WDFY2: variants seen among roughly 807,000 people sequenced by gnomAD.
WDFY2 encodes WD repeat and FYVE domain-containing protein 2.
WDFY2 carries 36 observed loss-of-function variants against 56.4 expected under a neutral mutation model. That is an observed-to-expected ratio of 0.64 (90% CI 0.49 to 0.84). WDFY2 has a LOEUF of 0.84. WDFY2 is among the 40% of genes least tolerant of loss of function. WDFY2 has a pLI of 0.00. For synonymous variants in WDFY2, 176 were observed against 183.7 expected (o/e 0.96, Z 0.34); for missense variants, 444 against 512.2 (o/e 0.87, Z 1.29).
intron 2 of WDFY2, among the ~76,000 whole-genome samples, chr13:51,667,879 CTTTTTTTTTTTTTTTTTTT>C (rs66771214): frequency 2.0e-5 from 1 of 50,046 alleles, no homozygotes; most frequent in African/African-American, 1.0e-4. Context: ...TGAGGAACTT[CTTTTTTTTTTTTTTTTTTT>C]TTTTTTTTTT....
chr13:51,607,381 G>T (rs909656636), intron 1 of WDFY2, among the ~76,000 whole-genome samples: 2 of 152,170 alleles, frequency 1.3e-5, no homozygotes, highest in African/African-American at 4.8e-5. Flanking sequence ...TCTTCAGATC[G>T]TGTTTGCTAA....
intron 1 of WDFY2, chr13:51,587,318 G>A (rs1025783426): frequency 6.6e-6 from 1 of 152,170 alleles, no homozygotes. Flanking sequence ...ATGGAGCTTT[G>A]TGTGTCTTAT....
intron 4 of WDFY2, among the ~76,000 whole-genome samples, chr13:51,717,984 C>T (rs927063573): frequency 2.0e-5 from 3 of 152,188 alleles, no homozygotes; most frequent in Admixed American, 6.5e-5. Flanking sequence ...ATGAAATCAT[C>T]CACTTTGCAG....
intron 4 of WDFY2, among the ~76,000 whole-genome samples, chr13:51,713,480 A>G (rs931762996): frequency 1.3e-5 from 2 of 152,246 alleles, no homozygotes; most frequent in Non-Finnish European, 2.9e-5. Context: ...AGTTTGGTGT[A>G]TACATACAGT....
chr13:51,754,408 G>C (rs1433470794), intron 8 of WDFY2, among the ~76,000 whole-genome samples: 1 of 152,116 alleles, frequency 6.6e-6, no homozygotes, highest in Non-Finnish European at 1.5e-5. Context: ...GTATATTCTT[G>C]ATTTTGCTAA....
rs1250151301 is a variant in WDFY2, at chr13:51,767,395, G to A, written c.*7626G>A. The A allele has an allele frequency of 6.6e-6, 1 of 152,212 alleles. No homozygotes were observed. The highest frequency in any genetic ancestry group is 1.5e-5 in the Non-Finnish European group (1 of 68,042). 9.4% of individuals were successfully genotyped at this position (152,212 alleles called of 1,614,324 possible). A position where few individuals can be genotyped will look rare whatever the true frequency, so the allele number is the denominator to read the frequency against. On this transcript the variant is annotated 3_prime_UTR_variant, in exon 12 of 12. Transcript: ENST00000298125. ...ACACCCAGAAAAATCCCTTCCTTGT[G>A]GTCCTTGGCTGATGATGAGCCCTGG...
At chr13:51,719,096 A>G in intron 4 of WDFY2, 102 bp from the exon 5 acceptor site, 1 of 1,515,914 alleles carries the variant, frequency 6.6e-7, no homozygotes, top group Non-Finnish European at 9.0e-7. Flanking sequence ...TGTTCAGCTT[A>G]TTCTGGGGTG....
At chr13:51,666,889 T>A (rs950708293) in intron 2 of WDFY2, among the ~76,000 whole-genome samples, 10 of 152,246 alleles carry the variant, frequency 6.6e-5, no homozygotes, top group African/African-American at 2.4e-4. Context: ...CATAGTCTAT[T>A]GTTTACATTA....
chr13:51,693,863 A>G lies in WDFY2; in HGVS notation c.280-9733A>G, dbSNP rs369818963. 5.8e-3 allele frequency among the ~76,000 whole-genome samples: 874 copies of G among 151,776 alleles called. 5 individuals carry two copies. Among genetic ancestry groups the G allele is most frequent in the African/African-American group, 0.014 (558 of 41,294 alleles). On this transcript the variant is annotated intron_variant, in intron 3 of 11. Coordinates refer to ENST00000298125, the MANE Select transcript of WDFY2 (RefSeq NM_052950.4). ...CAGGACTTGCTTTATGAATCTGGGTACTCCTGTATTGGGTGCATATATATT... is the reference window on the plus strand; with the variant it reads ...CAGGACTTGCTTTATGAATCTGGGTGCTCCTGTATTGGGTGCATATATATT...
intron 1 of WDFY2, among the ~76,000 whole-genome samples, chr13:51,637,953 C>G (rs961751598): frequency 1.3e-5 from 2 of 152,218 alleles, no homozygotes; most frequent in Non-Finnish European, 2.9e-5. Flanking sequence ...CCGTAAACAT[C>G]TAGAGGCTAG....
intron 1 of WDFY2, among the ~76,000 whole-genome samples, chr13:51,634,533 G>C (rs561941982): frequency 6.6e-6 from 1 of 152,268 alleles, no homozygotes; most frequent in East Asian, 1.9e-4. Flanking sequence ...AAGGCAGCCA[G>C]GTGCAATGGC....
rs568222931 is a variant in WDFY2 at position 51,763,242 on chromosome 13, C to T, written c.*3473C>T. Reference sequence around the variant, plus strand: ...AGACTTTCAGCACCTTGAGACAGGGCGCTCTCTGGAACCAGCTTTGTTCCT... The same window carrying T: ...AGACTTTCAGCACCTTGAGACAGGGTGCTCTCTGGAACCAGCTTTGTTCCT... On this transcript the variant is annotated 3_prime_UTR_variant, in exon 12 of 12. Coordinates refer to ENST00000298125, the MANE Select transcript of WDFY2 (RefSeq NM_052950.4). 2 of 152,268 alleles carry T rather than the reference C, an allele frequency of 1.3e-5. No homozygotes were observed. The highest frequency in any genetic ancestry group is 4.8e-5 in the African/African-American group (2 of 41,564). The allele number at this position is 152,268 out of a possible 1,614,324, so 9.4% of individuals were successfully genotyped here. A position where few individuals can be genotyped will look rare whatever the true frequency, so the allele number is the denominator to read the frequency against.
chr13:51,726,889 G>A (rs913570246), intron 5 of WDFY2, among the ~76,000 whole-genome samples: 4 of 152,046 alleles, frequency 2.6e-5, no homozygotes, highest in Non-Finnish European at 4.4e-5. Flanking sequence ...GGCCCTTTGT[G>A]ACATAAATTG....
At chr13:51,654,450 G>A (rs571849416) in intron 1 of WDFY2, among the ~76,000 whole-genome samples, 7 of 152,262 alleles carry the variant, frequency 4.6e-5, no homozygotes, top group Non-Finnish European at 7.4e-5. Context: ...GATGAACCTG[G>A]TACCTCAGGT....
intron 5 of WDFY2, 98 bp downstream of exon 5, chr13:51,719,446 A>G (rs1223510120): frequency 3.0e-6 from 4 of 1,355,102 alleles, no homozygotes; most frequent in Admixed American, 2.4e-5. Context: ...AAGTTTTGTT[A>G]ATGACAGTTG....
chr13:51,676,355 GC>G (rs1955888813), intron 3 of WDFY2, among the ~76,000 whole-genome samples: 1 of 152,150 alleles, frequency 6.6e-6, no homozygotes, highest in African/African-American at 2.4e-5. Flanking sequence ...GAGTGGGCTG[GC>G]CCCCCGTGTC....
Position 51,763,963 on chromosome 13 carries a change from T to G in WDFY2, c.*4194T>G, listed in dbSNP as rs1205615315. 1 of 152,184 alleles carries G rather than the reference T, an allele frequency of 6.6e-6. No homozygotes were observed. Among genetic ancestry groups the G allele is most frequent in the East Asian group, 1.9e-4 (1 of 5,200 alleles). The allele number at this position is 152,184 out of a possible 1,614,324, so 9.4% of individuals were successfully genotyped here. ...TTATGGCTGTTCATAGAATTTTAAT[T>G]CTATGTCAGTGTTCTTGTTCACTAA... On this transcript the variant is annotated 3_prime_UTR_variant, in exon 12 of 12. Transcript: ENST00000298125.
chr13:51,656,128 C>T (rs1269140943), intron 1 of WDFY2, among the ~76,000 whole-genome samples: 2 of 141,788 alleles, frequency 1.4e-5, no homozygotes, highest in African/African-American at 5.2e-5. Flanking sequence ...GTTTGCTTTT[C>T]CTTAAGGTAT....
chr13:51,751,415 G>A lies in WDFY2; in HGVS notation c.831G>A (p.Glu277=). The change falls in exon 8 of 12, where the codon GAG becomes GAA. Residue 277 remains glutamate (E), a splice_region_variant and synonymous_variant. Coordinates refer to ENST00000298125, the MANE Select transcript of WDFY2 (RefSeq NM_052950.4). ...GGAACATGGACGTGGAGAGGCAGGAGGTAGGTGGCACAGCAGGGTGGGGTG... is the reference window on the plus strand; with the variant it reads ...GGAACATGGACGTGGAGAGGCAGGAAGTAGGTGGCACAGCAGGGTGGGGTG... ...VVWNMDVERQ[E]TPEWLDSDSC... The A allele has an allele frequency of 6.2e-7, 1 of 1,613,904 alleles. No homozygotes were observed.
Sources: allele counts gnomAD v4.1 joint callset (sites outside exome capture counted in the v4.1 genomes callset), GRCh38; gene constraint gnomAD v4.1.1; transcripts MANE v1.5; gene names NCBI Gene and HGNC (gene_info 2026-07-23, HGNC 2026-07-21).